Variants in TMCC1 observed in about 807,000 individuals in gnomAD.
The protein encoded by TMCC1 is transmembrane and coiled-coil domain family 1.
Under a neutral mutation model 52.4 loss-of-function variants are expected in TMCC1, and 15 were observed. The ratio of observed to expected loss-of-function variants is 0.29; its 90% CI spans 0.19 to 0.44. TMCC1 has a LOEUF of 0.44. Among genes scored for constraint, TMCC1 ranks in the 20% least tolerant of loss-of-function variants. The pLI is 1.00. For missense variants in TMCC1, 503 were observed against 806.0 expected (o/e 0.62, Z 4.55); for synonymous variants, 279 against 301.9 (o/e 0.92, Z 0.79).
At chr3:129,785,681 CAG>C (rs2055966339) in intron 4 of TMCC1, among the ~76,000 whole-genome samples, 2 of 151,940 alleles carry the variant, frequency 1.3e-5, no homozygotes, top group Admixed American at 1.3e-4. Flanking sequence ...AATTAGAAGA[CAG>C]TGAAAGAATG....
At chr3:129,681,683 G>A (rs2088996848) in intron 4 of TMCC1, among the ~76,000 whole-genome samples, 1 of 151,950 alleles carries the variant, frequency 6.6e-6, no homozygotes, top group Non-Finnish European at 1.5e-5. Context: ...CGAGACAAGC[G>A]GATCACCTGA....
intron 4 of TMCC1, among the ~76,000 whole-genome samples, chr3:129,694,662 C>T (rs1249372748): frequency 1.3e-5 from 2 of 152,150 alleles, no homozygotes; most frequent in Non-Finnish European, 2.9e-5. Context: ...CCATTAGCTC[C>T]AAGGCAGTGT....
intron 5 of TMCC1, among the ~76,000 whole-genome samples, chr3:129,659,856 G>A (rs747842115): frequency 1.6e-4 from 25 of 152,242 alleles, no homozygotes; most frequent in South Asian, 6.2e-4. Context: ...TCTGCAACTC[G>A]CTAGCTTGGG....
chr3:129,860,596 ACATT>A (rs1375115092), intron 2 of TMCC1, among the ~76,000 whole-genome samples: 1 of 151,676 alleles, frequency 6.6e-6, no homozygotes, highest in Non-Finnish European at 1.5e-5. Context: ...TATAACAAAC[ACATT>A]ATTATTTTTT....
chr3:129,879,432 C>T (rs990864766), intron 2 of TMCC1, among the ~76,000 whole-genome samples: 5 of 151,940 alleles, frequency 3.3e-5, no homozygotes, highest in Admixed American at 6.6e-5. Flanking sequence ...CAGAACAAGA[C>T]GTTGTCTTAA....
At chr3:129,697,812 TC>T (rs2047524190) in intron 4 of TMCC1, among the ~76,000 whole-genome samples, 2 of 152,214 alleles carry the variant, frequency 1.3e-5, no homozygotes. Context: ...GCTCTCGTTG[TC>T]AACAAGTTCC....
intron 4 of TMCC1, among the ~76,000 whole-genome samples, chr3:129,805,821 C>T (rs1260784089): frequency 6.6e-6 from 1 of 151,792 alleles, no homozygotes; most frequent in Non-Finnish European, 1.5e-5. Context: ...GTAGTCCCAG[C>T]CATTTGGGAG....
chr3:129,713,882 T>TTGG (rs1560248415), intron 4 of TMCC1, among the ~76,000 whole-genome samples: 2 of 152,226 alleles, frequency 1.3e-5, no homozygotes, highest in Non-Finnish European at 2.9e-5. Flanking sequence ...TTGTTTTTAA[T>TTGG]TAACAGATTC....
chr3:129,893,232 C>T (rs2062059323), intron 1 of TMCC1: 2 of 152,528 alleles, frequency 1.3e-5, no homozygotes, highest in East Asian at 3.9e-4. Context: ...TGGAGGGGAA[C>T]CCCAGGTCAA....
At chr3:129,692,129 A>G (rs1334796090) in intron 4 of TMCC1, among the ~76,000 whole-genome samples, 1 of 152,192 alleles carries the variant, frequency 6.6e-6, no homozygotes, top group Non-Finnish European at 1.5e-5. Context: ...AGTTTATTTC[A>G]CTTGGGGTTT....
intron 4 of TMCC1, among the ~76,000 whole-genome samples, chr3:129,792,518 T>C (rs2056548423): frequency 1.3e-5 from 2 of 152,080 alleles, no homozygotes; most frequent in African/African-American, 4.8e-5. Context: ...GCCCGGTTTA[T>C]TTTTATATTT....
chr3:129,811,866 C>T (rs1445089552), intron 4 of TMCC1, among the ~76,000 whole-genome samples: 1 of 151,198 alleles, frequency 6.6e-6, no homozygotes, highest in African/African-American at 2.4e-5. Context: ...ATCACTTGAA[C>T]CCAGTAGGCG....
chr3:129,772,959 C>T (rs2054732925), intron 4 of TMCC1, among the ~76,000 whole-genome samples: 1 of 152,090 alleles, frequency 6.6e-6, no homozygotes, highest in Admixed American at 6.6e-5. Flanking sequence ...AATAGTATAA[C>T]CTCTTTCGAT....
chr3:129,757,075 T>C (rs1560344005), intron 4 of TMCC1, among the ~76,000 whole-genome samples: 1 of 152,188 alleles, frequency 6.6e-6, no homozygotes, highest in Non-Finnish European at 1.5e-5. Flanking sequence ...CTCATCTCAT[T>C]GACCCAAAGC....
At chr3:129,689,579 G>T (rs2089651519) in intron 4 of TMCC1, among the ~76,000 whole-genome samples, 2 of 152,170 alleles carry the variant, frequency 1.3e-5, no homozygotes, top group African/African-American at 4.8e-5. Context: ...GAGCCTGGAG[G>T]TGTGATAATT....
chr3:129,650,544 AC>A lies in TMCC1; in HGVS notation c.*936del, dbSNP rs2086260822. 1 of 152,596 alleles carries A rather than the reference AC, an allele frequency of 6.6e-6. No individual in the cohort carries two copies. The highest frequency in any genetic ancestry group is 6.5e-5 in the Admixed American group (1 of 15,270). 9.5% of individuals were successfully genotyped at this position (152,596 alleles called of 1,614,324 possible). ...GAGGGAGCAGCACACTTAAATATCC[AC>A]ACATTTCTTCATTTAAAAACATCAC... On this transcript the variant is annotated 3_prime_UTR_variant, in exon 7 of 7. Coordinates refer to ENST00000393238, the MANE Select transcript of TMCC1 (RefSeq NM_001017395.5).
intron 4 of TMCC1, among the ~76,000 whole-genome samples, chr3:129,776,194 G>C (rs186700920): frequency 6.6e-6 from 1 of 152,088 alleles, no homozygotes; most frequent in Admixed American, 6.6e-5. Flanking sequence ...TGTCTTTCTA[G>C]GACTTACCAG....
At chr3:129,726,894 A>AAAAAAAAAAAAAAAAAAAAAAC (rs2050145668) in intron 4 of TMCC1, among the ~76,000 whole-genome samples, 3 of 143,670 alleles carry the variant, frequency 2.1e-5, no homozygotes, top group Non-Finnish European at 4.6e-5. Flanking sequence ...AAAAAAAAAA[A>AAAAAAAAAAAAAAAAAAAAAAC]AAAAGAACCA....
At chr3:129,667,772 G>A (rs192740326) in intron 5 of TMCC1, among the ~76,000 whole-genome samples, 2 of 152,282 alleles carry the variant, frequency 1.3e-5, no homozygotes, top group African/African-American at 4.8e-5. Flanking sequence ...GGTGGCTCCT[G>A]AGAGACCTGT....
Sources: gnomAD v4.1 joint callset for allele counts (sites outside exome capture counted in the v4.1 genomes callset) on GRCh38, gnomAD v4.1.1 for gene constraint, MANE v1.5 for transcripts, NCBI Gene and HGNC (gene_info 2026-07-23, HGNC 2026-07-21) for gene names.